B3GALT1: variants seen among roughly 807,000 people sequenced by gnomAD.
The protein encoded by B3GALT1 is beta-1,3-galactosyltransferase 1.
In B3GALT1, 10 loss-of-function variants were observed where a neutral mutation model predicts 23.2. The observed-to-expected ratio is 0.43, with a 90% CI of 0.27 to 0.73. The LOEUF (loss-of-function observed/expected upper bound fraction) is 0.73, where lower values mean the gene tolerates loss of function less well. Among genes scored for constraint, B3GALT1 ranks in the 30% least tolerant of loss-of-function variants. B3GALT1 has a pLI of 0.21. For missense variants in B3GALT1, 299 were observed against 405.4 expected (o/e 0.74, Z 2.25); for synonymous variants, 156 against 141.5 (o/e 1.10, Z -0.73).
intron 2 of B3GALT1, among the ~76,000 whole-genome samples, chr2:167,563,425 C>G (rs1684062073): frequency 7.9e-6 from 1 of 127,226 alleles, no homozygotes; most frequent in Non-Finnish European, 1.7e-5. Context: ...CCCTCCACCT[C>G]CCTCCCGGAC....
intron 2 of B3GALT1, among the ~76,000 whole-genome samples, chr2:167,600,149 A>G (rs1684849605): frequency 6.6e-6 from 1 of 152,200 alleles, no homozygotes; most frequent in Admixed American, 6.5e-5. Context: ...AAGTATGATC[A>G]AGAGTGAAAT....
chr2:167,672,099 A>T (rs992898916), intron 3 of B3GALT1, among the ~76,000 whole-genome samples: 10 of 152,102 alleles, frequency 6.6e-5, no homozygotes, highest in Non-Finnish European at 1.2e-4. Flanking sequence ...TGTTATTTTT[A>T]AAAAATATTC....
chr2:167,825,490 AT>A (rs1157481419), intron 4 of B3GALT1, among the ~76,000 whole-genome samples: 9 of 146,928 alleles, frequency 6.1e-5, no homozygotes, highest in African/African-American at 2.2e-4. Flanking sequence ...TATATAAATT[AT>A]ATATATATAT....
intron 1 of B3GALT1, among the ~76,000 whole-genome samples, chr2:167,437,089 T>C (rs1049394163): frequency 2.6e-5 from 4 of 152,100 alleles, no homozygotes; most frequent in South Asian, 2.1e-4. Flanking sequence ...TGAGGGTCTT[T>C]CTGGAGATGC....
At chr2:167,334,037 A>T (rs959507640) in intron 1 of B3GALT1, among the ~76,000 whole-genome samples, 2 of 152,186 alleles carry the variant, frequency 1.3e-5, no homozygotes, top group Admixed American at 6.5e-5. Context: ...CTTTTTAAAA[A>T]ATTACATCAA....
At chr2:167,487,948 G>A (rs1209540854) in intron 1 of B3GALT1, among the ~76,000 whole-genome samples, 1 of 152,072 alleles carries the variant, frequency 6.6e-6, no homozygotes, top group African/African-American at 2.4e-5. Flanking sequence ...GCTGGGACTT[G>A]CTCATGGAAA....
intron 1 of B3GALT1, among the ~76,000 whole-genome samples, chr2:167,293,807 G>C (rs1465516835): frequency 2.0e-5 from 3 of 152,112 alleles, no homozygotes; most frequent in Non-Finnish European, 4.4e-5. Context: ...TGGCGCGCCA[G>C]GGGAGAGGCG....
intron 2 of B3GALT1, among the ~76,000 whole-genome samples, chr2:167,583,004 G>C (rs1441941998): frequency 6.6e-6 from 1 of 152,116 alleles, no homozygotes; most frequent in East Asian, 1.9e-4. Flanking sequence ...CCCACCCCTA[G>C]TGACTTGGTT....
intron 2 of B3GALT1, among the ~76,000 whole-genome samples, chr2:167,606,867 A>G (rs1684970140): frequency 6.6e-6 from 1 of 152,204 alleles, no homozygotes; most frequent in Non-Finnish European, 1.5e-5. Flanking sequence ...TGAAATAAGA[A>G]CTTTAGACTT....
intron 3 of B3GALT1, among the ~76,000 whole-genome samples, chr2:167,689,505 A>G (rs1411214094): frequency 6.6e-6 from 1 of 152,210 alleles, no homozygotes; most frequent in Non-Finnish European, 1.5e-5. Flanking sequence ...ATACCACTAA[A>G]TACAATAGAC....
intron 1 of B3GALT1, among the ~76,000 whole-genome samples, chr2:167,361,077 G>A (rs753958156): frequency 9.2e-5 from 14 of 152,112 alleles, no homozygotes; most frequent in Non-Finnish European, 1.9e-4. Flanking sequence ...TCCATTATGT[G>A]TATATGTCAA....
At chr2:167,778,112 A>G (rs946468803) in intron 3 of B3GALT1, among the ~76,000 whole-genome samples, 14 of 152,220 alleles carry the variant, frequency 9.2e-5, no homozygotes, top group African/African-American at 3.4e-4. Flanking sequence ...TATTCAGTCC[A>G]TATGGAGTTA....
At chr2:167,546,174 G>A (rs1683632659) in intron 2 of B3GALT1, among the ~76,000 whole-genome samples, 1 of 152,198 alleles carries the variant, frequency 6.6e-6, no homozygotes, top group African/African-American at 2.4e-5. Context: ...AGAGGGCACA[G>A]CAGAGGAGGG....
Position 167,695,044 on chromosome 2 carries a change from T to G in B3GALT1, c.-352+48078T>G, listed in dbSNP as rs1686771616. Among the ~76,000 whole-genome samples, 6 of 152,290 alleles carry G rather than the reference T, an allele frequency of 3.9e-5. 1 individual carries two copies. The South Asian group carries it at 1.2e-3, about 32-fold the overall frequency. ...CAATTGAGCTCTGCCCAAAACCTTC[T>G]CTACCTTATCACTCCTGTCTTCTCA... is the stretch of plus-strand genomic sequence containing the variant. On this transcript the variant is annotated intron_variant, in intron 3 of 4. Transcript: ENST00000392690.
At chr2:167,669,364 A>G (rs1686278814) in intron 3 of B3GALT1, among the ~76,000 whole-genome samples, 2 of 152,238 alleles carry the variant, frequency 1.3e-5, no homozygotes, top group Non-Finnish European at 2.9e-5. Flanking sequence ...TGAAGTTTCA[A>G]GATATCTTGA....
intron 2 of B3GALT1, among the ~76,000 whole-genome samples, chr2:167,574,346 A>G (rs1350944285): frequency 2.6e-5 from 4 of 151,716 alleles, no homozygotes; most frequent in African/African-American, 7.2e-5. Flanking sequence ...TCTACATCCA[A>G]TTCCCTTTTT....
chr2:167,539,022 A>G (rs1683484861), intron 2 of B3GALT1, among the ~76,000 whole-genome samples: 1 of 152,208 alleles, frequency 6.6e-6, no homozygotes, highest in Non-Finnish European at 1.5e-5. Context: ...ATCCGATTAT[A>G]CTTAGTTTAT....
intron 1 of B3GALT1, among the ~76,000 whole-genome samples, chr2:167,393,267 G>A (rs1421859631): frequency 3.3e-5 from 5 of 150,204 alleles, no homozygotes; most frequent in African/African-American, 1.2e-4. Context: ...TGTTTATGTT[G>A]TTGGTGAGTT....
At chr2:167,531,691 T>C (rs1683328831) in intron 2 of B3GALT1, among the ~76,000 whole-genome samples, 1 of 152,220 alleles carries the variant, frequency 6.6e-6, no homozygotes, top group Admixed American at 6.5e-5. Flanking sequence ...CTATCTTCTA[T>C]GCATATTTTA....
Sources: allele counts gnomAD v4.1 joint callset (sites outside exome capture counted in the v4.1 genomes callset), GRCh38; gene constraint gnomAD v4.1.1; transcripts MANE v1.5; gene names NCBI Gene and HGNC (gene_info 2026-07-23, HGNC 2026-07-21).